SFI1: variants seen among roughly 807,000 people sequenced by gnomAD.
SFI1 encodes SFI1 centrin binding protein.
SFI1 carries 195 observed loss-of-function variants against 207.5 expected under a neutral mutation model. The ratio of observed to expected loss-of-function variants is 0.94; its 90% confidence interval spans 0.84 to 1.06. SFI1 has a LOEUF of 1.06. Among genes scored for constraint, SFI1 ranks in the 50% least tolerant of loss-of-function variants. The pLI is 0.00. For synonymous variants in SFI1, 630 were observed against 598.9 expected (o/e 1.05, Z -0.76); for missense variants, 1,634 against 1,588.0 (o/e 1.03, Z -0.49).
At position 31,573,111 on chromosome 22, in the gene SFI1, G is replaced by C; in HGVS notation, c.819G>C (p.Lys273Asn). Residue 273 changes from lysine (K) to asparagine (N), a missense_variant, in exon 9 of 33, where the codon AAG becomes AAC. Coordinates refer to ENST00000400288, the MANE Select transcript of SFI1 (RefSeq NM_001007467.3). ...TGTATGTCCAGAAGGAGAAACAAAA[G>C]GTTGTCTCTGCAGTGAAACATCATC... ...QLLYVQKEKQ[K>N]VVSAVKHHQH... 6.2e-7 allele frequency: 1 copy of C among 1,612,888 alleles called. No individual in the cohort carries two copies. The highest frequency in any genetic ancestry group is 8.5e-7 in the Non-Finnish European group (1 of 1,179,954).
intron 3 of SFI1, among the ~76,000 whole-genome samples, chr22:31,529,229 A>G (rs1050332786): frequency 3.3e-5 from 5 of 152,196 alleles, no homozygotes; most frequent in Admixed American, 2.0e-4. Flanking sequence ...GATTAGATAT[A>G]TTAGAGACAT....
chr22:31,587,401 C>G (rs1415168968), intron 14 of SFI1: 1 of 280,112 alleles, frequency 3.6e-6, no homozygotes, highest in Non-Finnish European at 8.1e-6. Context: ...TCCCCAGGCT[C>G]AAGCGATTCT....
intron 9 of SFI1, 24 bp downstream of exon 9, chr22:31,573,238 C>G (rs764297952): frequency 6.2e-6 from 10 of 1,610,610 alleles, no homozygotes; most frequent in Non-Finnish European, 8.5e-6. Context: ...TCCAGGCTCT[C>G]GAGATAGAGG....
intron 24 of SFI1, 45 bp from the exon 25 acceptor site, chr22:31,613,097 C>A: frequency 6.3e-7 from 1 of 1,599,504 alleles, no homozygotes. Flanking sequence ...ACCACGGCCT[C>A]CTTGAAGGGG....
At chr22:31,613,936 T>C in intron 27 of SFI1, 81 bp downstream of exon 27, 1 of 1,470,302 alleles carries the variant, frequency 6.8e-7, no homozygotes, top group East Asian at 2.3e-5. Context: ...AAAACAGCCC[T>C]GACGGGATGG....
chr22:31,615,094 GC>G lies in SFI1; in HGVS notation c.3120del (p.Ser1041ProfsTer2). The G allele has an allele frequency of 6.2e-7, 1 of 1,607,002 alleles. No individual in the cohort carries two copies. The highest frequency in any genetic ancestry group is 8.5e-7 in the Non-Finnish European group (1 of 1,176,912). On this transcript the variant is annotated frameshift_variant, in exon 29 of 33. Transcript: ENST00000400288. LOFTEE classifies it high-confidence loss of function. ...TGGCCTAGGCATGGCTCAGCCAGCAGCCCCCTCCCTGACGCGGCCCTTCCTG... is the reference window on the plus strand; with the variant it reads ...TGGCCTAGGCATGGCTCAGCCAGCAGCCCCTCCCTGACGCGGCCCTTCCTG... ...EHGLGMAQPA[A>X]PSLTRPFLAE... is the part of the protein sequence containing the mutation.
Position 31,519,194 on chromosome 22 carries a change from C to T in SFI1, c.93-9496C>T, listed in dbSNP as rs375793581. Among the ~76,000 whole-genome samples, 10 of 151,932 alleles carry T rather than the reference C, an allele frequency of 6.6e-5. 1 individual carries two copies. The highest frequency in any genetic ancestry group is 3.9e-4 in the Admixed American group (6 of 15,230). Reference sequence around the variant, plus strand: ...TGGGTTTAATGCATTTAATGTATAGCATTAAATGCATGTATTATAAAGGAA... The same window carrying T: ...TGGGTTTAATGCATTTAATGTATAGTATTAAATGCATGTATTATAAAGGAA... On this transcript the variant is annotated intron_variant, in intron 2 of 32. Coordinates refer to ENST00000400288, the MANE Select transcript of SFI1 (RefSeq NM_001007467.3).
chr22:31,551,962 G>A (rs5753686), intron 6 of SFI1, among the ~76,000 whole-genome samples: 54,197 of 151,956 alleles, frequency 0.36, 10,515 homozygotes, highest in African/African-American at 0.5. Context: ...AGATTTGACT[G>A]TCCACTACCC....
intron 15 of SFI1, among the ~76,000 whole-genome samples, chr22:31,592,793 T>TG (rs2066238569): frequency 7.9e-6 from 1 of 126,760 alleles, no homozygotes; most frequent in Non-Finnish European, 1.7e-5. Flanking sequence ...ACGGGGCGGC[T>TG]GGCCGGGGGG....
rs376599065 is a variant in SFI1 at position 31,607,961 on chromosome 22, G to A, written c.2182G>A (p.Val728Met). ...SKVLVQWREAVSVQMYYRQQE... is the reference protein window; with the variant it reads ...SKVLVQWREAMSVQMYYRQQE... ...GGTCCTGGTCCAGTGGCGGGAAGCT[G>A]TGTCAGTGCAGATGTATTACCGACA... Residue 728 changes from valine (V) to methionine (M), a missense_variant, in exon 22 of 33, where the codon GTG becomes ATG. Physicochemically the swap from Val to Met is conservative, Grantham distance 21 (BLOSUM62 1). Transcript: ENST00000400288. 6.2e-6 allele frequency: 10 copies of A among 1,613,744 alleles called. No individual in the cohort carries two copies. The highest frequency in any genetic ancestry group is 1.3e-5 in the African/African-American group (1 of 74,910).
In SFI1 at chr22:31,607,928, T is replaced by C. The variant is rs1024299601; in HGVS notation, c.2158-9T>C. Reference sequence around the variant, plus strand: ...AGTGACTCTTGCTGTGCTCCTTGCCTGCCCATAGGTCCTGGTCCAGTGGCG... The same window carrying C: ...AGTGACTCTTGCTGTGCTCCTTGCCCGCCCATAGGTCCTGGTCCAGTGGCG... On this transcript the variant is annotated splice_polypyrimidine_tract_variant and intron_variant, in intron 21 of 32. Coordinates refer to ENST00000400288, the MANE Select transcript of SFI1 (RefSeq NM_001007467.3). The C allele has an allele frequency of 7.4e-6, 12 of 1,613,208 alleles. No individual in the cohort carries two copies. Among genetic ancestry groups the C allele is most frequent in the South Asian group, 1.1e-5 (1 of 91,064 alleles).
At chr22:31,589,064 C>T (rs2146384773) in intron 14 of SFI1, among the ~76,000 whole-genome samples, 1 of 152,170 alleles carries the variant, frequency 6.6e-6, no homozygotes, top group South Asian at 2.1e-4. Flanking sequence ...ATTTATAACA[C>T]ATGACAAAGG....
chr22:31,554,086 C>G (rs1469347513), intron 6 of SFI1, among the ~76,000 whole-genome samples: 1 of 151,638 alleles, frequency 6.6e-6, no homozygotes, highest in African/African-American at 2.4e-5. Flanking sequence ...AGTTCTCCCA[C>G]TTCGGCTTCC....
intron 1 of SFI1, among the ~76,000 whole-genome samples, chr22:31,497,884 ACT>A (rs970660863): frequency 2.0e-4 from 31 of 152,300 alleles, no homozygotes; most frequent in African/African-American, 6.7e-4. Context: ...TCACCAAGGA[ACT>A]CTGATGAAGA....
chr22:31,603,895 C>A, intron 18 of SFI1, 76 bp downstream of exon 18: 4 of 1,346,818 alleles, frequency 3.0e-6, no homozygotes, highest in Non-Finnish European at 4.1e-6. Context: ...GACTCACAGG[C>A]AACATATGGG....
chr22:31,543,069 C>T (rs528012612), intron 4 of SFI1, among the ~76,000 whole-genome samples: 5 of 150,628 alleles, frequency 3.3e-5, no homozygotes, highest in African/African-American at 1.2e-4. Context: ...CTCCCAGGTT[C>T]ACGCCATTCT....
At chr22:31,519,457 GAC>G (rs1320796996) in intron 2 of SFI1, among the ~76,000 whole-genome samples, 1 of 147,472 alleles carries the variant, frequency 6.8e-6, no homozygotes, top group Non-Finnish European at 1.5e-5. Flanking sequence ...TTTTTTCCGA[GAC>G]ACAGTCTTGC....
intron 2 of SFI1, among the ~76,000 whole-genome samples, chr22:31,510,861 G>A (rs912345065): frequency 6.6e-6 from 1 of 152,118 alleles, no homozygotes; most frequent in African/African-American, 2.4e-5. Context: ...TTTATGAAGG[G>A]TCAGTGGTAA....
chr22:31,525,543 G>A (rs1379417483), intron 2 of SFI1, among the ~76,000 whole-genome samples: 1 of 152,102 alleles, frequency 6.6e-6, no homozygotes, highest in Non-Finnish European at 1.5e-5. Flanking sequence ...TCCTGCGCAT[G>A]TGGCAAAACC....
Sources: allele counts gnomAD v4.1 joint callset (sites outside exome capture counted in the v4.1 genomes callset), GRCh38; gene constraint gnomAD v4.1.1; transcripts MANE v1.5; gene names NCBI Gene and HGNC (gene_info 2026-07-23, HGNC 2026-07-21).